The following IFTAP variants were observed in gnomAD, a reference collection of about 807,000 sequenced individuals.
IFTAP encodes the protein intraflagellar transport associated protein.
A neutral mutation model predicts 19.4 loss-of-function variants in IFTAP; 19 were observed. The observed-to-expected ratio is 0.98, with a 90% CI of 0.68 to 1.44. The LOEUF (loss-of-function observed/expected upper bound fraction) is 1.44, where lower values mean the gene tolerates loss of function less well. Among genes scored for constraint, IFTAP ranks in the 40% most tolerant of loss-of-function variants. The pLI, the probability that IFTAP is intolerant of heterozygous loss-of-function variation, is 0.00. For missense variants in IFTAP, 240 were observed against 253.6 expected (o/e 0.95, Z 0.36); for synonymous variants, 85 against 83.5 (o/e 1.02, Z -0.10).
intron 1 of IFTAP, among the ~76,000 whole-genome samples, chr11:36,600,447 A>G (rs980770450): frequency 1.3e-5 from 2 of 152,184 alleles, no homozygotes; most frequent in Non-Finnish European, 2.9e-5. Context: ...CCCTGTTGTA[A>G]GCTGTGCATG....
At chr11:36,628,227 G>A (rs1425677419) in intron 2 of IFTAP, among the ~76,000 whole-genome samples, 2 of 150,952 alleles carry the variant, frequency 1.3e-5, no homozygotes, top group African/African-American at 2.5e-5. Context: ...AATATACCCC[G>A]TCCATGTGTC....
At position 36,633,446 on chromosome 11, in the gene IFTAP, C is replaced by G; in HGVS notation, c.291+8C>G. On this transcript the variant is annotated splice_region_variant and intron_variant, in intron 3 of 5. Transcript: ENST00000334307. ...CAATGTTTGGAAGAACAGGTAATACCAACATAGTACATGTATAGAAACAAT... is the reference window on the plus strand; with the variant it reads ...CAATGTTTGGAAGAACAGGTAATACGAACATAGTACATGTATAGAAACAAT... 1 of 1,550,484 alleles carries G rather than the reference C, an allele frequency of 6.4e-7. No homozygotes were observed. Among genetic ancestry groups the G allele is most frequent in the Middle Eastern group, 1.7e-4 (1 of 5,832 alleles).
chr11:36,644,624 A>G (rs1348232647), intron 4 of IFTAP, among the ~76,000 whole-genome samples: 5 of 152,138 alleles, frequency 3.3e-5, no homozygotes. Context: ...GATAGACTGG[A>G]TTAAGAAAAT....
intron 1 of IFTAP, among the ~76,000 whole-genome samples, chr11:36,609,295 C>G (rs1851794021): frequency 6.6e-6 from 1 of 152,122 alleles, no homozygotes; most frequent in African/African-American, 2.4e-5. Flanking sequence ...ATGGTATAAC[C>G]TTGTTCAAAT....
At chr11:36,647,921 T>G in intron 4 of IFTAP, 95 bp from the exon 5 acceptor site, 1 of 1,421,526 alleles carries the variant, frequency 7.0e-7, no homozygotes, top group Non-Finnish European at 9.6e-7. Flanking sequence ...CATGAGCATA[T>G]TTGCTTCATT....
chr11:36,613,937 C>CT, intron 2 of IFTAP, among the ~76,000 whole-genome samples: 1 of 147,840 alleles, frequency 6.8e-6, no homozygotes, highest in South Asian at 2.1e-4. Context: ...TTTAATTATA[C>CT]TTTAAGTTTT....
At chr11:36,649,299 T>C (rs962398402) in intron 5 of IFTAP, among the ~76,000 whole-genome samples, 1 of 152,170 alleles carries the variant, frequency 6.6e-6, no homozygotes, top group Admixed American at 6.6e-5. Context: ...TGCAGGCTTA[T>C]ATTAAACTCC....
chr11:36,611,841 G>T (rs917743233), intron 2 of IFTAP, among the ~76,000 whole-genome samples: 1 of 151,938 alleles, frequency 6.6e-6, no homozygotes, highest in Non-Finnish European at 1.5e-5. Context: ...TGTGCACCTG[G>T]GTTTAGGAAG....
chr11:36,610,998 T>A (rs1851857604), intron 2 of IFTAP, among the ~76,000 whole-genome samples: 2 of 152,110 alleles, frequency 1.3e-5, no homozygotes, highest in African/African-American at 4.8e-5. Flanking sequence ...ACGAAAATCT[T>A]GATTTGTGTT....
At chr11:36,656,784 G>A (rs942945771) in intron 5 of IFTAP, among the ~76,000 whole-genome samples, 1 of 152,038 alleles carries the variant, frequency 6.6e-6, no homozygotes, top group Non-Finnish European at 1.5e-5. Context: ...AATGTTTATT[G>A]AGTGAACAAG....
At chr11:36,628,665 T>TC (rs955307481) in intron 2 of IFTAP, among the ~76,000 whole-genome samples, 1 of 151,314 alleles carries the variant, frequency 6.6e-6, no homozygotes, top group African/African-American at 2.5e-5. Context: ...AATTTTTTTT[T>TC]CTGTCTGAAA....
chr11:36,638,185 C>T (rs1853035260), intron 4 of IFTAP, among the ~76,000 whole-genome samples: 1 of 151,880 alleles, frequency 6.6e-6, no homozygotes, highest in African/African-American at 2.4e-5. Flanking sequence ...CAGGTGTGAG[C>T]CCCCTCACCC....
At chr11:36,622,471 C>G (rs185834940) in intron 2 of IFTAP, among the ~76,000 whole-genome samples, 1 of 151,964 alleles carries the variant, frequency 6.6e-6, no homozygotes, top group East Asian at 1.9e-4. Flanking sequence ...TTTTATAGTT[C>G]TCATTTTGTT....
At position 36,610,184 on chromosome 11, in the gene IFTAP, T is replaced by C. The variant is rs1433564016; in HGVS notation, c.81T>C (p.Cys27=). ...ACGTCTTGGATAAATTCCTTAATTG[T>C]CATGAGCAAACATATGATGAAGAAT... is the stretch of plus-strand genomic sequence containing the variant. ...IKDVLDKFLN[C]HEQTYDEEFL... Residue 27 remains cysteine, a synonymous_variant, in exon 2 of 6, where the codon TGT becomes TGC. Coordinates refer to ENST00000334307, the MANE Select transcript of IFTAP (RefSeq NM_138787.4). 1 of 1,610,908 alleles carries C rather than the reference T, an allele frequency of 6.2e-7. No individual in the cohort carries two copies. The highest frequency in any genetic ancestry group is 2.2e-5 in the East Asian group (1 of 44,822).
chr11:36,598,796 A>T lies in IFTAP; in HGVS notation c.-24+4204A>T, dbSNP rs541065402. ...GGTAGTAGAGTCATCTTAATCCTTA[A>T]GCCTCTGTTTTTCAGGTAGAGTCAT... is the stretch of plus-strand genomic sequence containing the variant. On this transcript the variant is annotated intron_variant, in intron 1 of 5. Transcript: ENST00000334307. 3.3e-5 allele frequency among the ~76,000 whole-genome samples: 5 copies of T among 152,300 alleles called. No homozygotes were observed. The East Asian group carries it at 9.6e-4, about 29-fold the overall frequency.
chr11:36,621,281 A>G (rs1852281173), intron 2 of IFTAP, among the ~76,000 whole-genome samples: 1 of 152,044 alleles, frequency 6.6e-6, no homozygotes, highest in African/African-American at 2.4e-5. Context: ...CCGTGAAACA[A>G]TAATATTTTC....
At chr11:36,623,196 C>T (rs1382870970) in intron 2 of IFTAP, among the ~76,000 whole-genome samples, 1 of 152,066 alleles carries the variant, frequency 6.6e-6, no homozygotes, top group Admixed American at 6.6e-5. Flanking sequence ...GTGTGCAGAT[C>T]AGAAACTTTG....
intron 4 of IFTAP, among the ~76,000 whole-genome samples, chr11:36,639,049 G>A (rs1853084416): frequency 6.6e-6 from 1 of 152,094 alleles, no homozygotes; most frequent in Non-Finnish European, 1.5e-5. Context: ...TTGAATTTGA[G>A]ATAAGGTAGT....
chr11:36,596,062 G>A (rs1851217232), intron 1 of IFTAP, among the ~76,000 whole-genome samples: 1 of 152,174 alleles, frequency 6.6e-6, no homozygotes, highest in Non-Finnish European at 1.5e-5. Flanking sequence ...AAATGGGATA[G>A]CACGTGTAAA....
Sources: allele counts gnomAD v4.1 joint callset (sites outside exome capture counted in the v4.1 genomes callset), GRCh38; gene constraint gnomAD v4.1.1; transcripts MANE v1.5; gene names NCBI Gene and HGNC (gene_info 2026-07-23, HGNC 2026-07-21).